Variants in ZFAT observed in about 807,000 individuals in gnomAD.
ZFAT encodes the protein zinc finger and AT-hook domain containing.
A neutral mutation model predicts 117.7 loss-of-function variants in ZFAT; 64 were observed. The observed-to-expected ratio is 0.54, with a 90% CI of 0.44 to 0.67. The LOEUF is 0.67. Among genes scored for constraint, ZFAT ranks in the 30% least tolerant of loss-of-function variants. The probability of loss-of-function intolerance (pLI) is 0.00; values close to 1 mark genes in which losing one functional copy is unlikely to be tolerated. For missense variants in ZFAT, 1,433 were observed against 1,584.5 expected (o/e 0.90, Z 1.62); for synonymous variants, 679 against 615.0 (o/e 1.10, Z -1.54).
the ZFAT span, among the ~76,000 whole-genome samples, chr8:134,799,650 T>A: frequency 6.6e-6 from 1 of 152,188 alleles, no homozygotes; most frequent in Non-Finnish European, 1.5e-5. Context: ...GAGAGATTAA[T>A]AACTTCCCCC....
the ZFAT span, among the ~76,000 whole-genome samples, chr8:134,730,231 C>T: frequency 6.6e-6 from 1 of 152,240 alleles, no homozygotes; most frequent in Non-Finnish European, 1.5e-5. Context: ...GCCCAATGCC[C>T]CCAGTGACAA....
chr8:134,520,923 C>G lies in ZFAT; in HGVS notation c.3194G>C (p.Gly1065Ala). The G allele has an allele frequency of 1.2e-6, 2 of 1,613,884 alleles. No individual in the cohort carries two copies. Among genetic ancestry groups the G allele is most frequent in the Non-Finnish European group, 1.7e-6 (2 of 1,179,824 alleles). The part of the protein sequence containing the change: ...EFNRHLKNKH[G>A]LKVVEIDGDP... ...TCCATCAATTTCCACCACCTTCAAG[C>G]CATGTTTGTTCTTCAAGTGCCTATT... The change falls in exon 13 of 16, where the codon GGC becomes GCC. Residue 1065 changes from glycine (G) to alanine (A), a missense_variant. Physicochemically the swap from Gly to Ala is moderately conservative, Grantham distance 60. This residue lies in a region of ZFAT where 503 missense variants were observed against 543.4 expected (regional missense o/e 0.93). Coordinates refer to ENST00000377838, the MANE Select transcript of ZFAT (RefSeq NM_020863.4).
intron 3 of ZFAT, among the ~76,000 whole-genome samples, chr8:134,636,658 A>G (rs1264746339): frequency 6.6e-6 from 1 of 152,218 alleles, no homozygotes; most frequent in Non-Finnish European, 1.5e-5. Context: ...AACATGGGGT[A>G]CAGTTTGAAG....
the ZFAT span, among the ~76,000 whole-genome samples, chr8:134,720,937 G>T: frequency 9.2e-5 from 14 of 152,332 alleles, no homozygotes; most frequent in Admixed American, 7.8e-4. Context: ...AGGGTCGGGA[G>T]GGCATGAATA....
chr8:134,612,251 G>A (rs532315204), intron 3 of ZFAT, among the ~76,000 whole-genome samples: 52 of 152,360 alleles, frequency 3.4e-4, no homozygotes, highest in Non-Finnish European at 6.9e-4. Flanking sequence ...GTGCGCAAGC[G>A]CAAGGTGGGG....
intron 10 of ZFAT, among the ~76,000 whole-genome samples, chr8:134,571,670 CTCCTA>C (rs1419665062): frequency 6.6e-6 from 1 of 152,178 alleles, no homozygotes; most frequent in African/African-American, 2.4e-5. Context: ...ACAGCACACT[CTCCTA>C]CACAGCACTA....
At chr8:134,686,161 T>A (rs1483294722) in intron 1 of ZFAT, among the ~76,000 whole-genome samples, 12 of 152,268 alleles carry the variant, frequency 7.9e-5, no homozygotes. Context: ...GGCCGCCACC[T>A]GGCCAATTCT....
intron 10 of ZFAT, among the ~76,000 whole-genome samples, chr8:134,578,183 C>A (rs962204650): frequency 6.6e-6 from 1 of 151,934 alleles, no homozygotes; most frequent in Non-Finnish European, 1.5e-5. Context: ...GAGGCTGAGG[C>A]GGGCAGATCA....
chr8:134,648,741 T>G (rs972729208), intron 2 of ZFAT, among the ~76,000 whole-genome samples: 4 of 151,968 alleles, frequency 2.6e-5, no homozygotes, highest in African/African-American at 9.7e-5. Flanking sequence ...ACTTAAAAAT[T>G]TTTCCAAAAA....
intron 15 of ZFAT, among the ~76,000 whole-genome samples, chr8:134,490,645 C>T (rs999129056): frequency 2.6e-5 from 4 of 152,218 alleles, no homozygotes; most frequent in Non-Finnish European, 5.9e-5. Context: ...TTGATATAAC[C>T]AGCTCCCCAT....
intron 1 of ZFAT, among the ~76,000 whole-genome samples, chr8:134,682,647 T>A (rs1328574863): frequency 1.3e-5 from 2 of 152,092 alleles, no homozygotes; most frequent in African/African-American, 4.8e-5. Context: ...AGAGTGAAAC[T>A]CCATCTCAAA....
intron 1 of ZFAT, among the ~76,000 whole-genome samples, chr8:134,690,957 T>C (rs1354878688): frequency 1.3e-5 from 2 of 152,152 alleles, no homozygotes; most frequent in African/African-American, 4.8e-5. Flanking sequence ...AATAAGCAAT[T>C]CCATTTTGTT....
intron 9 of ZFAT, among the ~76,000 whole-genome samples, chr8:134,586,723 T>C (rs1469130368): frequency 2.0e-5 from 3 of 152,224 alleles, no homozygotes; most frequent in Admixed American, 1.3e-4. Flanking sequence ...ACATACCTGC[T>C]ACCACCCTCA....
intron 11 of ZFAT, among the ~76,000 whole-genome samples, chr8:134,564,359 C>T (rs921937958): frequency 1.3e-5 from 2 of 152,192 alleles, no homozygotes; most frequent in African/African-American, 4.8e-5. Flanking sequence ...CACGCCCTGT[C>T]CCCTTGCTGT....
chr8:134,553,767 T>C (rs1161768900), intron 11 of ZFAT, among the ~76,000 whole-genome samples: 1 of 152,198 alleles, frequency 6.6e-6, no homozygotes, highest in Non-Finnish European at 1.5e-5. Context: ...ACAATGTGTA[T>C]AGTGGCAAGA....
At chr8:134,661,501 C>T (rs1045860586) in intron 1 of ZFAT, among the ~76,000 whole-genome samples, 2 of 152,198 alleles carry the variant, frequency 1.3e-5, no homozygotes, top group African/African-American at 4.8e-5. Flanking sequence ...ACATGGCTCC[C>T]CCTAGAATGT....
At chr8:134,605,830 A>G (rs1827846868) in intron 5 of ZFAT, among the ~76,000 whole-genome samples, 1 of 152,212 alleles carries the variant, frequency 6.6e-6, no homozygotes, top group Non-Finnish European at 1.5e-5. Context: ...GAAAACAAGC[A>G]CAGCCCTGCC....
intron 1 of ZFAT, among the ~76,000 whole-genome samples, chr8:134,665,554 C>T (rs1363073879): frequency 6.6e-6 from 1 of 152,232 alleles, no homozygotes; most frequent in African/African-American, 2.4e-5. Flanking sequence ...AGCCCTTACA[C>T]TGGCTTTTAA....
At chr8:134,585,610 G>A (rs1826012922) in intron 9 of ZFAT, among the ~76,000 whole-genome samples, 4 of 152,112 alleles carry the variant, frequency 2.6e-5, no homozygotes, top group South Asian at 4.2e-4. Flanking sequence ...GCCCACCCAC[G>A]GGCCGGCTGT....
Sources: gnomAD v4.1 joint callset for allele counts (sites outside exome capture counted in the v4.1 genomes callset) on GRCh38, gnomAD v4.1.1 for gene constraint, gnomAD v4.1.1 regional missense constraint, MANE v1.5 for transcripts, NCBI Gene and HGNC (gene_info 2026-07-23, HGNC 2026-07-21) for gene names.